LDLRAD3: variants seen among roughly 807,000 people sequenced by gnomAD.
The protein encoded by LDLRAD3 is low density lipoprotein receptor class A domain containing 3.
LDLRAD3 carries 20 observed loss-of-function variants against 29.4 expected under a neutral mutation model. The observed-to-expected ratio is 0.68, with a 90% CI of 0.48 to 0.99. LDLRAD3 has a LOEUF of 0.99. LDLRAD3 is among the 50% of genes least tolerant of loss of function. The pLI is 0.00. For synonymous variants in LDLRAD3, 157 were observed against 192.7 expected, an observed-to-expected ratio of 0.81 and a Z score of 1.53; for missense variants, 420 against 454.3, an observed-to-expected ratio of 0.92 and a Z score of 0.69.
chr11:36,102,533 C>G (rs1853465820), intron 4 of LDLRAD3, among the ~76,000 whole-genome samples: 1 of 152,126 alleles, frequency 6.6e-6, no homozygotes, highest in South Asian at 2.1e-4. Context: ...AGTTCCCCTC[C>G]TTATCCTTGG....
At chr11:36,161,356 C>G (rs1854436525) in intron 4 of LDLRAD3, among the ~76,000 whole-genome samples, 1 of 152,088 alleles carries the variant, frequency 6.6e-6, no homozygotes, top group South Asian at 2.1e-4. Flanking sequence ...GATTTTGTTC[C>G]AAGTAGAAAT....
At position 35,992,219 on chromosome 11, in the gene LDLRAD3, C is replaced by A. The variant is rs146192735; in HGVS notation, c.47-43884C>A. On this transcript the variant is annotated intron_variant, in intron 1 of 5. Transcript: ENST00000315571. ...CCAGGTGGCTGCATGAACAAGAATG[C>A]AACCTTGATTTTATGGTCTTTATTT... Among the ~76,000 whole-genome samples the A allele has an allele frequency of 4.8e-3, 735 of 152,232 alleles. 23 individuals are homozygous for A. Among genetic ancestry groups the A allele is most frequent in the Admixed American group, 0.044 (666 of 15,276 alleles).
At position 35,944,323 on chromosome 11, in the gene LDLRAD3, GGTGCGAGCCGTCCTATTGTGTGGGC is replaced by G. The variant is rs1213939476; in HGVS notation, c.46+185_46+209del. 2.0e-5 allele frequency among the ~76,000 whole-genome samples: 3 copies of G among 151,746 alleles called. No homozygotes were observed. The highest frequency in any genetic ancestry group is 4.8e-5 in the African/African-American group (2 of 41,420). ...GGACCCTGCCGAGGGGCCGCCGCGG[GGTGCGAGCCGTCCTATTGTGTGGGC>G]GTGCGCGCCGGGTCGTGTTGTGCTG... On this transcript the variant is annotated intron_variant, in intron 1 of 5. Coordinates refer to ENST00000315571, the MANE Select transcript of LDLRAD3 (RefSeq NM_174902.4). This position sits in a 1 kb window ranked among gnomAD's most constrained non-coding sequence, Gnocchi z 4.9.
chr11:36,191,010 C>A (rs1387527568), intron 4 of LDLRAD3, among the ~76,000 whole-genome samples: 1 of 152,160 alleles, frequency 6.6e-6, no homozygotes, highest in Non-Finnish European at 1.5e-5. Flanking sequence ...CTCATACAGT[C>A]CTTTCAAGAA....
chr11:36,115,911 A>G lies in LDLRAD3; in HGVS notation c.454+17450A>G, dbSNP rs546491136. On this transcript the variant is annotated intron_variant, in intron 4 of 5. Transcript: ENST00000315571. ...ATCTCAGGAGTAAGCTAGTTTTGCAAGGCCTCCCCCTTACCTTAGCATGTA... is the reference window on the plus strand; with the variant it reads ...ATCTCAGGAGTAAGCTAGTTTTGCAGGGCCTCCCCCTTACCTTAGCATGTA... 6.1e-4 allele frequency among the ~76,000 whole-genome samples: 93 copies of G among 152,310 alleles called. 3 individuals are homozygous for G. In the South Asian group the frequency reaches 0.019, roughly 31 times the overall value.
chr11:36,082,319 GGC>G (rs1468740985), intron 3 of LDLRAD3, among the ~76,000 whole-genome samples: 1 of 152,134 alleles, frequency 6.6e-6, no homozygotes, highest in Non-Finnish European at 1.5e-5. Flanking sequence ...GACCAGCCTA[GGC>G]AACAAGGTAA....
Position 36,077,098 on chromosome 11 carries a change from C to G in LDLRAD3, c.194-4555C>G, listed in dbSNP as rs144527212. ...ATACACTGCTCTGAGTATATTTACA[C>G]AAGTATATGTTAAGTCAGATAGATA... On this transcript the variant is annotated intron_variant, in intron 2 of 5. Transcript: ENST00000315571. Among the ~76,000 whole-genome samples, 23 of 152,258 alleles carry G rather than the reference C, an allele frequency of 1.5e-4. No individual in the cohort carries two copies. In the East Asian group the frequency reaches 4.2e-3, roughly 28 times the overall value.
At chr11:35,965,646 C>A (rs1207481094) in intron 1 of LDLRAD3, among the ~76,000 whole-genome samples, 1 of 151,986 alleles carries the variant, frequency 6.6e-6, no homozygotes, top group Non-Finnish European at 1.5e-5. Flanking sequence ...AGGGAGGAAA[C>A]CAAAGAGAGA....
chr11:36,175,808 C>T (rs987433743), intron 4 of LDLRAD3, among the ~76,000 whole-genome samples: 1 of 152,116 alleles, frequency 6.6e-6, no homozygotes, highest in Non-Finnish European at 1.5e-5. Context: ...ATGTTCTGTA[C>T]ATATCTGTTA....
intron 4 of LDLRAD3, among the ~76,000 whole-genome samples, chr11:36,177,203 CT>C (rs1338881289): frequency 6.6e-6 from 1 of 152,034 alleles, no homozygotes; most frequent in Non-Finnish European, 1.5e-5. Flanking sequence ...TCTAAGGAGA[CT>C]TTTTTCATTC....
intron 1 of LDLRAD3, among the ~76,000 whole-genome samples, chr11:35,992,736 G>C (rs1422247678): frequency 1.3e-5 from 2 of 152,174 alleles, no homozygotes; most frequent in Admixed American, 6.5e-5. Context: ...ATGGGCATGG[G>C]GTTTCCTTTT....
chr11:36,095,074 T>C (rs1853339362), intron 3 of LDLRAD3, among the ~76,000 whole-genome samples: 1 of 151,808 alleles, frequency 6.6e-6, no homozygotes, highest in South Asian at 2.1e-4. Flanking sequence ...TAGTCCTGGC[T>C]ACTCAGGAGG....
At chr11:36,108,860 G>A (rs1853568889) in intron 4 of LDLRAD3, among the ~76,000 whole-genome samples, 2 of 152,092 alleles carry the variant, frequency 1.3e-5, no homozygotes. Flanking sequence ...TATAGAACTG[G>A]GTTCAATTCC....
intron 4 of LDLRAD3, among the ~76,000 whole-genome samples, chr11:36,103,015 G>A (rs533924942): frequency 2.0e-5 from 3 of 152,042 alleles, no homozygotes; most frequent in African/African-American, 4.8e-5. Context: ...CATTTTAACC[G>A]TTTGTAAGTA....
intron 4 of LDLRAD3, among the ~76,000 whole-genome samples, chr11:36,162,592 C>A (rs559855634): frequency 6.6e-6 from 1 of 152,298 alleles, no homozygotes; most frequent in African/African-American, 2.4e-5. Flanking sequence ...CTGTGCTCCT[C>A]ACATTAGCTT....
chr11:36,010,956 C>T (rs984346008), intron 1 of LDLRAD3, among the ~76,000 whole-genome samples: 4 of 152,178 alleles, frequency 2.6e-5, no homozygotes, highest in Non-Finnish European at 4.4e-5. Flanking sequence ...CAGGCATGCA[C>T]CACCAAGCCT....
intron 4 of LDLRAD3, among the ~76,000 whole-genome samples, chr11:36,104,050 C>A (rs550334350): frequency 6.6e-6 from 1 of 152,152 alleles, no homozygotes; most frequent in East Asian, 1.9e-4. Flanking sequence ...GCAAAAGTGG[C>A]GGCTGTCAGT....
chr11:36,180,690 C>A (rs897338746), intron 4 of LDLRAD3, among the ~76,000 whole-genome samples: 6 of 151,832 alleles, frequency 4.0e-5, no homozygotes, highest in Non-Finnish European at 8.8e-5. Flanking sequence ...TGAGAATAGA[C>A]TGCAGAGGGT....
At chr11:35,981,503 A>G (rs751619140) in intron 1 of LDLRAD3, among the ~76,000 whole-genome samples, 56 of 152,316 alleles carry the variant, frequency 3.7e-4, no homozygotes, top group Non-Finnish European at 7.2e-4. Flanking sequence ...TAACTCATGA[A>G]TATCTCAGAT....
Sources: allele counts gnomAD v4.1 joint callset (sites outside exome capture counted in the v4.1 genomes callset), GRCh38; gene constraint gnomAD v4.1.1; non-coding constraint Gnocchi (gnomAD v3.1); transcripts MANE v1.5; gene names NCBI Gene and HGNC (gene_info 2026-07-23, HGNC 2026-07-21).